Variants in CCDC102B observed in about 807,000 individuals in gnomAD.
The protein encoded by CCDC102B is coiled-coil domain-containing protein 102B.
Under a neutral mutation model 57.4 loss-of-function variants are expected in CCDC102B, and 75 were observed. The observed-to-expected ratio is 1.31, with a 90% confidence interval of 1.08 to 1.58. The LOEUF (loss-of-function observed/expected upper bound fraction) is 1.58, where lower values mean the gene tolerates loss of function less well. Among genes scored for constraint, CCDC102B ranks in the 40% most tolerant of loss-of-function variants. CCDC102B has a pLI of 0.00. For synonymous variants in CCDC102B, 206 were observed against 201.9 expected (o/e 1.02, Z -0.17); for missense variants, 636 against 582.6 (o/e 1.09, Z -0.94).
intron 1 of CCDC102B, among the ~76,000 whole-genome samples, chr18:68,827,140 A>G (rs2036936847): frequency 6.6e-6 from 1 of 152,142 alleles, no homozygotes; most frequent in South Asian, 2.1e-4. Flanking sequence ...ATAAGATGCT[A>G]TTAAAAGCGA....
chr18:68,956,495 A>T (rs2049885272), intron 6 of CCDC102B, among the ~76,000 whole-genome samples: 1 of 54,796 alleles, frequency 1.8e-5, no homozygotes, highest in Non-Finnish European at 2.8e-5. Flanking sequence ...ATATATATAT[A>T]AAATATATAA....
rs766763133 is a variant in CCDC102B at position 68,914,993 on chromosome 18, G to GAC, written c.1263+17566_1263+17567insCA. ...CTGGGGGGAGAGAGAGAGAGAGAGA[G>GAC]AGACAGACAGAAAGAGAGAGAGAGA... On this transcript the variant is annotated intron_variant, in intron 6 of 7. Transcript: ENST00000360242. 1.1e-3 allele frequency among the ~76,000 whole-genome samples: 165 copies of GAC among 151,816 alleles called. 1 individual carries two copies. Among genetic ancestry groups the GAC allele is most frequent in the Non-Finnish European group, 1.8e-3 (125 of 67,954 alleles).
intron 7 of CCDC102B, among the ~76,000 whole-genome samples, chr18:69,048,773 T>A (rs2052626765): frequency 6.6e-6 from 1 of 152,092 alleles, no homozygotes; most frequent in Non-Finnish European, 1.5e-5. Flanking sequence ...TATATAATTC[T>A]TTCTAACATT....
chr18:68,748,205 GGTGTGTGT>G (rs5825872), intron 2 of CCDC102B, among the ~76,000 whole-genome samples: 26,343 of 137,358 alleles, frequency 0.19, 2,789 homozygotes, highest in African/African-American at 0.24. Context: ...TTATTAAACT[GGTGTGTGT>G]GTGTGTGTGT....
At chr18:68,996,217 A>C (rs1196785309) in intron 6 of CCDC102B, among the ~76,000 whole-genome samples, 1 of 152,202 alleles carries the variant, frequency 6.6e-6, no homozygotes, top group Non-Finnish European at 1.5e-5. Context: ...GGATAAAAGC[A>C]GGCAGAGGAA....
At chr18:68,977,763 G>A (rs1233282146) in intron 6 of CCDC102B, among the ~76,000 whole-genome samples, 1 of 151,906 alleles carries the variant, frequency 6.6e-6, no homozygotes, top group Admixed American at 6.6e-5. Context: ...TAAAACTATA[G>A]GTGCAGATAA....
intron 2 of CCDC102B, among the ~76,000 whole-genome samples, chr18:68,743,617 G>A (rs1440811911): frequency 1.3e-5 from 2 of 152,240 alleles, no homozygotes; most frequent in African/African-American, 2.4e-5. Context: ...CCTATCAGTT[G>A]CCTTTAAACT....
intron 6 of CCDC102B, among the ~76,000 whole-genome samples, chr18:68,993,739 A>G (rs1297931784): frequency 1.3e-5 from 2 of 152,204 alleles, no homozygotes; most frequent in Non-Finnish European, 2.9e-5. Flanking sequence ...ATGTACATAT[A>G]TACTCAGTTA....
chr18:68,938,873 A>T (rs10445508), intron 6 of CCDC102B, among the ~76,000 whole-genome samples: 81,720 of 151,312 alleles, frequency 0.54, 26,129 homozygotes, highest in Non-Finnish European at 0.69. Flanking sequence ...ATAAAGGTTT[A>T]TTTAGTAAAA....
intron 1 of CCDC102B, among the ~76,000 whole-genome samples, chr18:68,835,432 G>A (rs1213159828): frequency 1.3e-5 from 2 of 152,114 alleles, no homozygotes; most frequent in African/African-American, 2.4e-5. Context: ...TTGTTATAAT[G>A]TGAATTATGT....
chr18:68,789,457 T>C (rs999132785), intron 2 of CCDC102B, among the ~76,000 whole-genome samples: 1 of 152,236 alleles, frequency 6.6e-6, no homozygotes, highest in African/African-American at 2.4e-5. Context: ...CCCATCGCTT[T>C]CAGGTACCCC....
intron 1 of CCDC102B, among the ~76,000 whole-genome samples, chr18:68,802,622 A>G (rs2035895083): frequency 6.6e-6 from 1 of 152,188 alleles, no homozygotes; most frequent in Non-Finnish European, 1.5e-5. Flanking sequence ...ATAGGTACTG[A>G]ATGCAAAGCT....
At chr18:69,008,828 C>T (rs1176866460) in intron 6 of CCDC102B, among the ~76,000 whole-genome samples, 1 of 152,238 alleles carries the variant, frequency 6.6e-6, no homozygotes, top group Non-Finnish European at 1.5e-5. Flanking sequence ...TAATACCATA[C>T]ACTTCACACA....
At chr18:68,858,807 T>C (rs2038602545) in intron 4 of CCDC102B, 1 of 152,184 alleles carries the variant, frequency 6.6e-6, no homozygotes, top group Admixed American at 6.5e-5. Flanking sequence ...GAGATGGCTT[T>C]CAGATCTTTG....
intron 6 of CCDC102B, among the ~76,000 whole-genome samples, chr18:68,923,690 C>T (rs1317815852): frequency 6.6e-6 from 1 of 151,954 alleles, no homozygotes; most frequent in African/African-American, 2.4e-5. Context: ...TCCTGTGAGC[C>T]AGAAATTAAA....
At chr18:68,888,946 T>C (rs954623409) in intron 5 of CCDC102B, among the ~76,000 whole-genome samples, 1 of 152,134 alleles carries the variant, frequency 6.6e-6, no homozygotes, top group Non-Finnish European at 1.5e-5. Context: ...TGTAAATTTA[T>C]TATAATTGGT....
intron 2 of CCDC102B, among the ~76,000 whole-genome samples, chr18:68,735,379 A>G (rs1009851653): frequency 7.9e-5 from 12 of 152,126 alleles, no homozygotes; most frequent in African/African-American, 2.9e-4. Flanking sequence ...TTTTAAAAGG[A>G]CATTTGCTTG....
intron 2 of CCDC102B, among the ~76,000 whole-genome samples, chr18:68,762,996 G>A (rs1238628560): frequency 6.6e-6 from 1 of 151,832 alleles, no homozygotes; most frequent in African/African-American, 2.4e-5. Context: ...AGGCCTTAGG[G>A]GGGAAAAAAG....
chr18:68,999,019 G>T (rs1488128588), intron 6 of CCDC102B, among the ~76,000 whole-genome samples: 1 of 149,532 alleles, frequency 6.7e-6, no homozygotes, highest in African/African-American at 2.5e-5. Flanking sequence ...GAGAGAGAGA[G>T]AGAGAGAGAG....
Sources: gnomAD v4.1 joint callset for allele counts (sites outside exome capture counted in the v4.1 genomes callset) on GRCh38, gnomAD v4.1.1 for gene constraint, MANE v1.5 for transcripts, NCBI Gene and HGNC (gene_info 2026-07-23, HGNC 2026-07-21) for gene names.